Variants in ATP12A observed in about 807,000 individuals in gnomAD.
ATP12A encodes the protein potassium-transporting ATPase alpha chain 2.
In ATP12A, 81 loss-of-function variants were observed where a neutral mutation model predicts 111.2. The observed-to-expected ratio is 0.73, with a 90% confidence interval of 0.61 to 0.88. ATP12A has a LOEUF of 0.88. Ranked by LOEUF, ATP12A falls within the 40% of genes least tolerant of loss-of-function variation. The pLI is 0.00. For missense variants in ATP12A, 1,196 were observed against 1,313.1 expected (o/e 0.91, Z 1.38); for synonymous variants, 498 against 499.8 (o/e 1.00, Z 0.05).
At chr13:24,690,902 C>T in intron 7 of ATP12A, 80 bp from the exon 8 acceptor site, 1 of 1,568,030 alleles carries the variant, frequency 6.4e-7, no homozygotes, top group Non-Finnish European at 8.7e-7. Context: ...ATTGTGCCAG[C>T]CCCCAGAGAG....
intron 3 of ATP12A, among the ~76,000 whole-genome samples, chr13:24,688,002 T>C (rs1236922978): frequency 1.3e-5 from 2 of 152,184 alleles, no homozygotes; most frequent in Non-Finnish European, 2.9e-5. Flanking sequence ...GGTTACGTAA[T>C]TTCTCTGTGC....
intron 4 of ATP12A, 58 bp from the exon 5 acceptor site, chr13:24,689,204 A>C: frequency 2.2e-6 from 3 of 1,370,812 alleles, no homozygotes; most frequent in Non-Finnish European, 3.1e-6. Flanking sequence ...CTCTAGCCCC[A>C]GGGCCCGGCT....
rs766808530 is a variant in ATP12A, at chr13:24,688,523, G to A, written c.432+1G>A. 7.0e-6 allele frequency: 11 copies of A among 1,576,082 alleles called. No homozygotes were observed. The highest frequency in any genetic ancestry group is 5.4e-5 in the African/African-American group (4 of 74,092). The stretch of plus-strand genomic sequence containing the variant: ...CGACAAGTCTGCATCCCTGAACAAC[G>A]TAAGGCTCTGGGGTGTCCCCTCCTG... On this transcript the variant is annotated splice_donor_variant, in intron 4 of 22. Coordinates refer to ENST00000381946, the MANE Select transcript of ATP12A (RefSeq NM_001676.7). LOFTEE classifies it high-confidence loss of function.
chr13:24,695,863 C>T (rs1296239303), intron 11 of ATP12A, among the ~76,000 whole-genome samples: 1 of 152,138 alleles, frequency 6.6e-6, no homozygotes, highest in Non-Finnish European at 1.5e-5. Context: ...TCCGCCTTGG[C>T]CTCCCAAAGT....
chr13:24,707,458 C>T (rs1473196311), intron 17 of ATP12A, 25 bp downstream of exon 17: 1 of 1,613,694 alleles, frequency 6.2e-7, no homozygotes, highest in East Asian at 2.2e-5. Flanking sequence ...AGGGAACAGG[C>T]TGTGATGCCT....
At chr13:24,681,269 G>A (rs1203613972) in intron 1 of ATP12A, among the ~76,000 whole-genome samples, 1 of 152,082 alleles carries the variant, frequency 6.6e-6, no homozygotes, top group Non-Finnish European at 1.5e-5. Context: ...CATCAGTCAG[G>A]AGTTGGGGGG....
intron 2 of ATP12A, among the ~76,000 whole-genome samples, chr13:24,683,979 A>C (rs1212743346): frequency 6.6e-6 from 1 of 152,156 alleles, no homozygotes; most frequent in Non-Finnish European, 1.5e-5. Context: ...AGGGCCAGGC[A>C]GTGACCCGAG....
chr13:24,681,506 G>C, intron 1 of ATP12A, 56 bp from the exon 2 acceptor site: 1 of 1,584,440 alleles, frequency 6.3e-7, no homozygotes. Flanking sequence ...GGGGCGCTCA[G>C]CACCTCTTCG....
chr13:24,711,515 A>C lies in ATP12A; in HGVS notation c.3113A>C (p.Tyr1038Ser). 6.2e-7 allele frequency: 1 copy of C among 1,614,122 alleles called. No individual in the cohort carries two copies. The highest frequency in any genetic ancestry group is 8.5e-7 in the Non-Finnish European group (1 of 1,180,020). Residue 1038 changes from tyrosine to serine, a missense_variant, in exon 23 of 23, where the codon TAT (tyrosine) becomes TCT (serine). Physicochemically the swap from Tyr to Ser is moderately radical, Grantham distance 144. Around this residue, in one of 3 missense-constraint regions of ATP12A, gnomAD observed 1,126 missense variants for 1,228.5 expected, o/e 0.92. Coordinates refer to ENST00000381946, the MANE Select transcript of ATP12A (RefSeq NM_001676.7). Reference sequence around the variant, plus strand: ...ACAGGCTGGTGGGATAAGAACATGTATTATTAAGACCACCTCCCTTCCTAT... The same window carrying C: ...ACAGGCTGGTGGGATAAGAACATGTCTTATTAAGACCACCTCCCTTCCTAT... Reference protein sequence around the residue: ...YPGSWWDKNMYY With the variant: ...YPGSWWDKNMSY
intron 3 of ATP12A, among the ~76,000 whole-genome samples, chr13:24,687,947 C>T (rs1164192034): frequency 2.6e-5 from 4 of 152,186 alleles, no homozygotes; most frequent in Admixed American, 2.0e-4. Context: ...CCAGTCACCA[C>T]GTTGAACCTG....
intron 21 of ATP12A, among the ~76,000 whole-genome samples, 178 bp from the exon 22 acceptor site, chr13:24,711,140 A>G (rs1183379418): frequency 6.6e-6 from 1 of 152,258 alleles, no homozygotes. Flanking sequence ...CATTGCTTCT[A>G]GCAGTCACAG....
chr13:24,710,818 C>T lies in ATP12A; in HGVS notation c.2924C>T (p.Thr975Ile), dbSNP rs772949018. ...FRNKVIWVGITSQIIIGLILS... is the reference protein window; with the variant it reads ...FRNKVIWVGIISQIIIGLILS... ...AATAAAGTCATCTGGGTGGGGATCA[C>T]CTCACAGATCATCATTGGTCTGATC... Residue 975 changes from threonine to isoleucine, a missense_variant, in exon 21 of 23, where the codon ACC becomes ATC. Physicochemically the swap from Thr to Ile is moderately conservative, Grantham distance 89 (BLOSUM62 -1). Around this residue, in one of 3 missense-constraint regions of ATP12A, gnomAD observed 1,126 missense variants for 1,228.5 expected, o/e 0.92. Coordinates refer to ENST00000381946, the MANE Select transcript of ATP12A (RefSeq NM_001676.7). 2 of 1,614,174 alleles carry T rather than the reference C, an allele frequency of 1.2e-6. No individual in the cohort carries two copies. The highest frequency in any genetic ancestry group is 2.2e-5 in the South Asian group (2 of 91,076).
chr13:24,704,798 C>A, intron 14 of ATP12A: 1 of 167,022 alleles, frequency 6.0e-6, no homozygotes, highest in South Asian at 1.4e-4. Flanking sequence ...TCCTCTTGGT[C>A]ACTGCCACTC....
At chr13:24,703,724 G>GGT (rs1875494666) in intron 14 of ATP12A, 1 of 152,236 alleles carries the variant, frequency 6.6e-6, no homozygotes, top group African/African-American at 2.4e-5. Context: ...GGAGTGCAAT[G>GGT]GTGTGATCAT....
intron 12 of ATP12A, among the ~76,000 whole-genome samples, chr13:24,699,887 G>T (rs1386348438): frequency 6.6e-6 from 1 of 152,248 alleles, no homozygotes; most frequent in Non-Finnish European, 1.5e-5. Context: ...TCTGTGGAAT[G>T]TGTGTTTCTA....
chr13:24,711,823 A>T lies in ATP12A; in HGVS notation c.*301A>T. 2.2e-6 allele frequency: 1 copy of T among 449,640 alleles called. No homozygotes were observed. The highest frequency in any genetic ancestry group is 4.5e-5 in the East Asian group (1 of 22,076). The allele number at this position is 449,640 out of a possible 1,614,324, so 27.9% of individuals were successfully genotyped here. Reference sequence around the variant, plus strand: ...GTGTATTTGAAACTCCTTGATGTTAATAGTCTTGTGTAACCCAGGCATCTA... The same window carrying T: ...GTGTATTTGAAACTCCTTGATGTTATTAGTCTTGTGTAACCCAGGCATCTA... On this transcript the variant is annotated 3_prime_UTR_variant, in exon 23 of 23. Coordinates refer to ENST00000381946, the MANE Select transcript of ATP12A (RefSeq NM_001676.7).
chr13:24,692,572 C>T lies in ATP12A; in HGVS notation c.1212C>T (p.Ala404=), dbSNP rs753674751. 1.9e-6 allele frequency: 3 copies of T among 1,613,966 alleles called. No homozygotes were observed. The highest frequency in any genetic ancestry group is 4.5e-5 in the East Asian group (2 of 44,892). Residue 404 remains alanine, a synonymous_variant, in exon 9 of 23, where the codon GCC becomes GCT. Coordinates refer to ENST00000381946, the MANE Select transcript of ATP12A (RefSeq NM_001676.7). ...TGACCCAGAACAGGATGACAGTGGCCCATCTGTGGTTCGACAATCAGATCT... is the reference window on the plus strand; with the variant it reads ...TGACCCAGAACAGGATGACAGTGGCTCATCTGTGGTTCGACAATCAGATCT... ...GTLTQNRMTV[A]HLWFDNQIFV...
rs1874967329 is a variant in ATP12A, at chr13:24,692,791, A to G, written c.1272A>G (p.Gln424=). 6.2e-7 allele frequency: 1 copy of G among 1,613,982 alleles called. No individual in the cohort carries two copies. Among genetic ancestry groups the G allele is most frequent in the Admixed American group, 1.7e-5 (1 of 60,006 alleles). Residue 424 remains glutamine (Q), a synonymous_variant, in exon 10 of 23, where the codon CAA becomes CAG. Coordinates refer to ENST00000381946, the MANE Select transcript of ATP12A (RefSeq NM_001676.7). ...VADTSEDHSN[Q]VFDQSSRTWA... ...TGTTCTTTCTCTGTCTTCCAGACCA[A>G]GTCTTTGACCAAAGCTCTAGGACTT...
chr13:24,701,450 G>A (rs901058115), intron 13 of ATP12A, among the ~76,000 whole-genome samples: 5 of 138,178 alleles, frequency 3.6e-5, no homozygotes, highest in South Asian at 2.3e-4. Flanking sequence ...GCAGTGAGCC[G>A]AGATCACACC....
Sources: allele counts gnomAD v4.1 joint callset (sites outside exome capture counted in the v4.1 genomes callset), GRCh38; gene constraint gnomAD v4.1.1; regional missense constraint gnomAD v4.1.1; transcripts MANE v1.5; gene names NCBI Gene and HGNC (gene_info 2026-07-23, HGNC 2026-07-21).